The following LRP4 variants were observed in gnomAD, a reference collection of about 807,000 sequenced individuals.
LRP4 encodes LDL receptor related protein 4, also known as low-density lipoprotein receptor-related protein 4.
A neutral mutation model predicts 220.3 loss-of-function variants in LRP4; 95 were observed. The ratio of observed to expected loss-of-function variants is 0.43; its 90% CI spans 0.37 to 0.51. The LOEUF is 0.51. Ranked by LOEUF, LRP4 falls within the 20% of genes least tolerant of loss-of-function variation. The probability of loss-of-function intolerance (pLI) is 0.00; values close to 1 mark genes in which losing one functional copy is unlikely to be tolerated. For synonymous variants in LRP4, 903 were observed against 954.6 expected, an observed-to-expected ratio of 0.95 and a Z score of 1.00; for missense variants, 1,925 against 2,567.0, an observed-to-expected ratio of 0.75 and a Z score of 5.40.
At position 46,866,450 on chromosome 11, in the gene LRP4, TA is replaced by T. The variant is rs11398155; in HGVS notation, c.5088-1265del. 4.0e-5 allele frequency among the ~76,000 whole-genome samples: 6 copies of T among 150,666 alleles called. No homozygotes were observed. The South Asian group carries it at 6.3e-4, about 16-fold the overall frequency. ...GCATGGGCCACCATGCCTGGCTAAT[TA>T]AAAAAAAACTTTTTTGTAGAGATAG... is the stretch of plus-strand genomic sequence containing the variant. On this transcript the variant is annotated intron_variant, in intron 34 of 37. Transcript: ENST00000378623.
At chr11:46,867,096 A>T (rs960958727) in intron 34 of LRP4, among the ~76,000 whole-genome samples, 2 of 152,158 alleles carry the variant, frequency 1.3e-5, no homozygotes, top group Non-Finnish European at 2.9e-5. Flanking sequence ...TTTCAGTTTA[A>T]TTTCTCAAAT....
At chr11:46,914,445 C>A (rs1941916201) in intron 1 of LRP4, among the ~76,000 whole-genome samples, 1 of 152,212 alleles carries the variant, frequency 6.6e-6, no homozygotes, top group African/African-American at 2.4e-5. Context: ...TCATTCCTGC[C>A]AGCTCTAAGC....
Position 46,916,038 on chromosome 11 carries a change from G to C in LRP4, c.52+2290C>G, listed in dbSNP as rs147897126. Among the ~76,000 whole-genome samples the C allele has an allele frequency of 7.1e-3, 1,080 of 152,292 alleles. 9 individuals are homozygous for C. Among genetic ancestry groups the C allele is most frequent in the Non-Finnish European group, 0.01 (701 of 68,026 alleles). On this transcript the variant is annotated intron_variant, in intron 1 of 37. Transcript: ENST00000378623. ...CCCCCAGACCTCCAAGGATGGCTCA[G>C]TATCAGGCCAGGTGATGTGTATACC...
chr11:46,863,539 A>G (rs1940612572), intron 36 of LRP4, among the ~76,000 whole-genome samples: 1 of 144,780 alleles, frequency 6.9e-6, no homozygotes, highest in Non-Finnish European at 1.5e-5. Flanking sequence ...GGAGTTCGAG[A>G]CCAGCCTGAC....
rs771256759 is a variant in LRP4 at position 46,859,203 on chromosome 11, C to A, written c.5498G>T (p.Arg1833Leu). 10 of 1,614,168 alleles carry A rather than the reference C, an allele frequency of 6.2e-6. No homozygotes were observed. Among genetic ancestry groups the A allele is most frequent in the Admixed American group, 1.7e-5 (1 of 60,026 alleles). Residue 1833 changes from arginine to leucine, a missense_variant, in exon 38 of 38, where the codon CGG (arginine) becomes CTG (leucine). By Grantham distance (102) the Arg-to-Leu change is moderately radical. Coordinates refer to ENST00000378623, the MANE Select transcript of LRP4 (RefSeq NM_002334.4). Reference sequence around the variant, plus strand: ...TACATGATCCCGGAGGAGGCCCCCCCGTGAGCTTCGCAGTTGCTTGAGGTC... The same window carrying A: ...TACATGATCCCGGAGGAGGCCCCCCAGTGAGCTTCGCAGTTGCTTGAGGTC... ...WDDLKQLRSS[R>L]GGLLRDHVCM...
rs1208662959 is a variant in LRP4, at chr11:46,881,835, C to T, written c.2681G>A (p.Arg894His). ...CAGATTAGAAGAGATAATGACTTGG[C>T]GGCCTGAGGCATCCATGCCAGCTCG... ...IERAGMDASGRQVIISSNLTW... is the reference protein window; with the variant it reads ...IERAGMDASGHQVIISSNLTW... Residue 894 changes from arginine (R) to histidine (H), a missense_variant, in exon 20 of 38, where the codon CGC (arginine) becomes CAC (histidine). Around this residue, in one of 3 missense-constraint regions of LRP4, gnomAD observed 1,244 missense variants for 1,624.9 expected, o/e 0.77. Coordinates refer to ENST00000378623, the MANE Select transcript of LRP4 (RefSeq NM_002334.4). 14 of 1,614,174 alleles carry T rather than the reference C, an allele frequency of 8.7e-6. No individual in the cohort carries two copies. The highest frequency in any genetic ancestry group is 1.2e-5 in the Non-Finnish European group (14 of 1,180,024).
chr11:46,858,280 C>T lies in LRP4; in HGVS notation c.*703G>A, dbSNP rs1940431165. 1 of 155,758 alleles carries T rather than the reference C, an allele frequency of 6.4e-6. No homozygotes were observed. Among genetic ancestry groups the T allele is most frequent in the Non-Finnish European group, 1.4e-5 (1 of 70,082 alleles). 9.6% of individuals were successfully genotyped at this position (155,758 alleles called of 1,614,324 possible). On this transcript the variant is annotated 3_prime_UTR_variant, in exon 38 of 38. Coordinates refer to ENST00000378623, the MANE Select transcript of LRP4 (RefSeq NM_002334.4). ...CAGTTATCTGAATGTAGAAACAGCT[C>T]CAGACATTCTAGGAGGAGGAAGAAC...
At chr11:46,865,240 T>C (rs574821963) in intron 34 of LRP4, 54 bp from the exon 35 acceptor site, 4 of 1,322,162 alleles carry the variant, frequency 3.0e-6, no homozygotes, top group South Asian at 2.5e-5. Context: ...GTGAAGGTCA[T>C]GCCTTCCTCC....
chr11:46,866,552 C>A (rs1355309234), intron 34 of LRP4, among the ~76,000 whole-genome samples: 1 of 152,164 alleles, frequency 6.6e-6, no homozygotes, highest in African/African-American at 2.4e-5. Flanking sequence ...TCCCAAAGTG[C>A]TGGGATTACA....
At chr11:46,895,131 C>T (rs1235674167) in intron 11 of LRP4, 35 bp downstream of exon 11, 14 of 1,612,830 alleles carry the variant, frequency 8.7e-6, no homozygotes, top group Non-Finnish European at 1.1e-5. Context: ...ATGCTCGGCC[C>T]TCTGCCCACC....
rs61749083 is a variant in LRP4, at chr11:46,894,635, G to T, written c.1494C>A (p.Asn498Lys). The T allele has an allele frequency of 6.2e-7, 1 of 1,613,848 alleles. No homozygotes were observed. Among genetic ancestry groups the T allele is most frequent in the African/African-American group, 1.3e-5 (1 of 75,052 alleles). ...TLDRILRANLNGSNVEEVVST... is the reference protein window; with the variant it reads ...TLDRILRANLKGSNVEEVVST... Reference sequence around the variant, plus strand: ...ACACAACCTCCTCCACGTTGCTGCCGTTGAGGTTGGCACGGAGGATCCGGT... The same window carrying T: ...ACACAACCTCCTCCACGTTGCTGCCTTTGAGGTTGGCACGGAGGATCCGGT... The change falls in exon 12 of 38, where the codon AAC becomes AAA. Residue 498 changes from asparagine (N) to lysine (K), a missense_variant. This residue lies in a region of LRP4 where 269 missense variants were observed against 436.7 expected (regional missense o/e 0.62). Transcript: ENST00000378623.
chr11:46,871,396 G>GA, intron 31 of LRP4, 129 bp downstream of exon 31: 1 of 764,732 alleles, frequency 1.3e-6, no homozygotes, highest in Non-Finnish European at 2.3e-6. Flanking sequence ...CAGGGCACAG[G>GA]AAAAATCCCT....
chr11:46,903,798 G>A (rs1199707846), intron 1 of LRP4, among the ~76,000 whole-genome samples: 2 of 152,218 alleles, frequency 1.3e-5, no homozygotes, highest in Admixed American at 1.3e-4. Flanking sequence ...GCCACCTCAG[G>A]GCAGAGTAAC....
At chr11:46,881,058 C>CAAAAAAAAAAAA (rs60125188) in intron 20 of LRP4, among the ~76,000 whole-genome samples, 11 of 56,108 alleles carry the variant, frequency 2.0e-4, no homozygotes, top group East Asian at 1.4e-3. Context: ...TCTAAAAAAC[C>CAAAAAAAAAAAA]AAAAAAAAAA....
chr11:46,875,347 C>A lies in LRP4; in HGVS notation c.3925+109G>T. The stretch of plus-strand genomic sequence containing the variant: ...CTGGAAGGGAGCTTAAACAGGTCAC[C>A]GTCTTTCTGGCTGTAAAGGAGCTCT... On this transcript the variant is annotated intron_variant, in intron 27 of 37. Transcript: ENST00000378623. The surrounding 1 kb of genome is among the most constrained non-coding windows in gnomAD (Gnocchi z 4.5). 2 of 1,066,872 alleles carry A rather than the reference C, an allele frequency of 1.9e-6. No individual in the cohort carries two copies. Among genetic ancestry groups the A allele is most frequent in the Non-Finnish European group, 1.4e-6 (1 of 712,476 alleles). The allele number at this position is 1,066,872 out of a possible 1,614,324, so 66.1% of individuals were successfully genotyped here. A position where few individuals can be genotyped will look rare whatever the true frequency, so the allele number is the denominator to read the frequency against.
At chr11:46,896,710 A>C (rs1327854210) in intron 8 of LRP4, among the ~76,000 whole-genome samples, 159 bp downstream of exon 8, 1 of 152,200 alleles carries the variant, frequency 6.6e-6, no homozygotes, top group African/African-American at 2.4e-5. Context: ...CGCAGCTCTG[A>C]TACTGTGCTC....
At chr11:46,861,585 G>T (rs1176557519) in intron 37 of LRP4, among the ~76,000 whole-genome samples, 2 of 142,738 alleles carry the variant, frequency 1.4e-5, no homozygotes, top group African/African-American at 5.2e-5. Context: ...GAGGGTAGTG[G>T]CATGATCACA....
At chr11:46,902,741 T>A in intron 2 of LRP4, 42 bp downstream of exon 2, 2 of 1,608,752 alleles carry the variant, frequency 1.2e-6, no homozygotes, top group Non-Finnish European at 1.7e-6. Flanking sequence ...CACCCCCAGG[T>A]CCCTCTCCAC....
intron 20 of LRP4, among the ~76,000 whole-genome samples, chr11:46,880,318 AAG>A (rs201933298): frequency 0.023 from 3,417 of 150,196 alleles, 121 homozygotes; most frequent in African/African-American, 0.08. Flanking sequence ...AAAAAAAAAA[AAG>A]CTATGTGTGG....
Sources: allele counts gnomAD v4.1 joint callset (sites outside exome capture counted in the v4.1 genomes callset), GRCh38; gene constraint gnomAD v4.1.1; regional missense constraint gnomAD v4.1.1; non-coding constraint Gnocchi (gnomAD v3.1); transcripts MANE v1.5; gene names NCBI Gene and HGNC (gene_info 2026-07-23, HGNC 2026-07-21).